Variants in KCNAB1 observed in about 807,000 individuals in gnomAD.
The protein encoded by KCNAB1 is potassium voltage-gated channel subfamily A regulatory beta subunit 1.
KCNAB1 carries 35 observed loss-of-function variants against 64.6 expected under a neutral mutation model. The ratio of observed to expected loss-of-function variants is 0.54; its 90% CI spans 0.41 to 0.72. The LOEUF (loss-of-function observed/expected upper bound fraction) is 0.72. Ranked by LOEUF, KCNAB1 falls within the 30% of genes least tolerant of loss-of-function variation. The pLI, the probability that KCNAB1 is intolerant of heterozygous loss-of-function variation, is 0.00. For synonymous variants in KCNAB1, 177 were observed against 183.8 expected, an observed-to-expected ratio of 0.96 and a Z score of 0.30; for missense variants, 401 against 512.9, an observed-to-expected ratio of 0.78 and a Z score of 2.11.
chr3:156,119,055 C>T (rs1713206555), upstream of KCNAB1, among the ~76,000 whole-genome samples: 1 of 152,218 alleles, frequency 6.6e-6, no homozygotes, highest in Non-Finnish European at 1.5e-5. Flanking sequence ...GGTTACAGTT[C>T]TAACCCTAGA....
chr3:156,436,760 GTTGT>G (rs1287640518), intron 2 of KCNAB1, among the ~76,000 whole-genome samples: 1 of 152,130 alleles, frequency 6.6e-6, no homozygotes, highest in African/African-American at 2.4e-5. Context: ...TTTTAATGGG[GTTGT>G]TTATTGTTTC....
chr3:156,254,143 G>T (rs1209791118), intron 1 of KCNAB1, among the ~76,000 whole-genome samples: 1 of 152,232 alleles, frequency 6.6e-6, no homozygotes, highest in African/African-American at 2.4e-5. Context: ...GTTTGACAAA[G>T]AGTTATGTCT....
intron 1 of KCNAB1, among the ~76,000 whole-genome samples, chr3:156,345,877 C>T (rs763369575): frequency 2.2e-4 from 34 of 152,152 alleles, no homozygotes; most frequent in African/African-American, 4.8e-4. Flanking sequence ...GGATGTCTTA[C>T]GCTGTGCTAC....
At chr3:156,286,176 C>T (rs1391138741) in intron 1 of KCNAB1, among the ~76,000 whole-genome samples, 1 of 152,140 alleles carries the variant, frequency 6.6e-6, no homozygotes, top group Non-Finnish European at 1.5e-5. Context: ...TTTTACTTTG[C>T]CTGTTATTCA....
intron 1 of KCNAB1, among the ~76,000 whole-genome samples, chr3:156,321,340 C>T (rs1329200481): frequency 6.6e-6 from 1 of 152,150 alleles, no homozygotes; most frequent in Non-Finnish European, 1.5e-5. Flanking sequence ...AAAGCAAACA[C>T]AGAGCCCTTT....
chr3:156,179,261 C>T (rs1577678275), intron 1 of KCNAB1, among the ~76,000 whole-genome samples: 1 of 152,070 alleles, frequency 6.6e-6, no homozygotes, highest in East Asian at 1.9e-4. Context: ...TTTATAGTTC[C>T]ATGCTAATAC....
At chr3:156,206,161 CTCTT>C (rs1560136009) in intron 1 of KCNAB1, among the ~76,000 whole-genome samples, 1 of 152,200 alleles carries the variant, frequency 6.6e-6, no homozygotes. Context: ...CATTCATTCC[CTCTT>C]TCTTTGACCA....
intron 1 of KCNAB1, among the ~76,000 whole-genome samples, chr3:156,331,745 A>G (rs1245200555): frequency 1.3e-5 from 2 of 152,060 alleles, no homozygotes; most frequent in Non-Finnish European, 2.9e-5. Flanking sequence ...TCTTATGTCT[A>G]TTTCCCAAAT....
chr3:156,310,052 A>G (rs114251449), intron 1 of KCNAB1, among the ~76,000 whole-genome samples: 2,221 of 152,248 alleles, frequency 0.015, 69 homozygotes, highest in African/African-American at 0.052. Flanking sequence ...CACCATCTCC[A>G]TCTTCTACTC....
intron 1 of KCNAB1, among the ~76,000 whole-genome samples, chr3:156,186,661 C>T (rs934210888): frequency 4.6e-5 from 7 of 152,054 alleles, no homozygotes; most frequent in African/African-American, 1.7e-4. Flanking sequence ...AACCTCTTAC[C>T]TCCTTGCACC....
At chr3:156,445,982 G>T (rs1711518037) in intron 2 of KCNAB1, 1 of 152,182 alleles carries the variant, frequency 6.6e-6, no homozygotes, top group Non-Finnish European at 1.5e-5. Flanking sequence ...CAGAGTTAAT[G>T]CAAGAGAACC....
chr3:156,204,131 A>T (rs1714508136), intron 1 of KCNAB1, among the ~76,000 whole-genome samples: 1 of 152,252 alleles, frequency 6.6e-6, no homozygotes, highest in Non-Finnish European at 1.5e-5. Context: ...TTAAGCTGTA[A>T]GGCTGAAAGC....
chr3:156,502,943 T>C (rs1430428429), intron 8 of KCNAB1, among the ~76,000 whole-genome samples: 2 of 152,346 alleles, frequency 1.3e-5, no homozygotes, highest in African/African-American at 4.8e-5. Context: ...CCAGATAAAA[T>C]TTAAACTGAT....
In KCNAB1 at chr3:156,501,422, CTTT is replaced by C. The variant is rs34628325; in HGVS notation, c.659-12918_659-12916del. The stretch of plus-strand genomic sequence containing the variant: ...GTCCATGGACAGGAAGACTTAGTAC[CTTT>C]TTTTTTTTTTTTTTTTTTTTTTTGA... On this transcript the variant is annotated intron_variant, in intron 8 of 13. Coordinates refer to ENST00000490337, the MANE Select transcript of KCNAB1 (RefSeq NM_172160.3). Among the ~76,000 whole-genome samples the C allele has an allele frequency of 6.9e-3, 572 of 82,498 alleles. 4 individuals carry two copies. The highest frequency in any genetic ancestry group is 0.024 in the African/African-American group (527 of 21,520). The allele number at this position is 82,498 out of a possible 152,430, so 54.1% of individuals were successfully genotyped here.
At chr3:156,137,445 A>C (rs928157787) in intron 1 of KCNAB1, among the ~76,000 whole-genome samples, 5 of 152,130 alleles carry the variant, frequency 3.3e-5, no homozygotes, top group African/African-American at 1.2e-4. Flanking sequence ...TGTTGTATTC[A>C]CTGAGAAAAT....
At chr3:156,245,894 T>A (rs906049697) in intron 1 of KCNAB1, among the ~76,000 whole-genome samples, 3 of 152,142 alleles carry the variant, frequency 2.0e-5, no homozygotes, top group Non-Finnish European at 4.4e-5. Flanking sequence ...CTTTTTAGGA[T>A]CATGGTGTTG....
chr3:156,288,760 G>A (rs1720232961), intron 1 of KCNAB1, among the ~76,000 whole-genome samples: 1 of 151,480 alleles, frequency 6.6e-6, no homozygotes, highest in African/African-American at 2.4e-5. Context: ...CTAAAGGCTG[G>A]GACACTCATC....
In KCNAB1 at chr3:156,299,222, A is replaced by G. The variant is rs115849400; in HGVS notation, c.276-122394A>G. ...TCAACACAGGAAAGAAGCACAGCAC[A>G]TGCAACACTTCTAGAAAGGACAATT... On this transcript the variant is annotated intron_variant, in intron 1 of 13. Transcript: ENST00000490337. Among the ~76,000 whole-genome samples, 829 of 152,350 alleles carry G rather than the reference A, an allele frequency of 5.4e-3. 2 individuals carry two copies. The highest frequency in any genetic ancestry group is 0.019 in the African/African-American group (792 of 41,590).
Position 156,486,676 on chromosome 3 carries a change from A to G in KCNAB1, c.658+11856A>G, listed in dbSNP as rs1715241306. On this transcript the variant is annotated intron_variant, in intron 8 of 13. Coordinates refer to ENST00000490337, the MANE Select transcript of KCNAB1 (RefSeq NM_172160.3). ...ATGTCTCCTGTGTGGGGTCTTCTTG[A>G]GTCCTGCCCTTCAGGGCCTCCTGGA... 6.6e-5 allele frequency among the ~76,000 whole-genome samples: 10 copies of G among 152,028 alleles called. No homozygotes were observed. The South Asian group carries it at 2.1e-3, about 32-fold the overall frequency.
Sources: allele counts gnomAD v4.1 joint callset (sites outside exome capture counted in the v4.1 genomes callset), GRCh38; gene constraint gnomAD v4.1.1; transcripts MANE v1.5; gene names NCBI Gene and HGNC (gene_info 2026-07-23, HGNC 2026-07-21).